The following DIAPH3 variants were observed in gnomAD, a reference collection of about 807,000 sequenced individuals.
The protein encoded by DIAPH3 is diaphanous related formin 3, also known as protein diaphanous homolog 3.
In DIAPH3, 117 loss-of-function variants were observed where a neutral mutation model predicts 144.3. The observed-to-expected ratio is 0.81, with a 90% confidence interval of 0.70 to 0.95. The LOEUF is 0.95. Ranked by LOEUF, DIAPH3 falls within the 40% of genes least tolerant of loss-of-function variation. DIAPH3 has a pLI of 0.00. For synonymous variants in DIAPH3, 519 were observed against 488.9 expected (o/e 1.06, Z -0.81); for missense variants, 1,421 against 1,412.7 (o/e 1.01, Z -0.09).
At chr13:59,820,691 A>G (rs1392175629) in intron 24 of DIAPH3, among the ~76,000 whole-genome samples, 2 of 151,734 alleles carry the variant, frequency 1.3e-5, no homozygotes, top group African/African-American at 4.8e-5. Flanking sequence ...CTTGACAGGT[A>G]TATCAGTCTT....
intron 22 of DIAPH3, among the ~76,000 whole-genome samples, chr13:59,841,766 G>A (rs2042360135): frequency 6.6e-6 from 1 of 152,090 alleles, no homozygotes; most frequent in African/African-American, 2.4e-5. Flanking sequence ...TCTAAAATGT[G>A]GTAAGTGTTT....
intron 20 of DIAPH3, among the ~76,000 whole-genome samples, chr13:59,882,525 T>C (rs1318640715): frequency 6.6e-6 from 1 of 152,194 alleles, no homozygotes; most frequent in Admixed American, 6.6e-5. Context: ...TCATATTCTA[T>C]CAACACTGGG....
chr13:59,677,224 A>G (rs1566172253), intron 27 of DIAPH3, among the ~76,000 whole-genome samples: 1 of 152,108 alleles, frequency 6.6e-6, no homozygotes, highest in African/African-American at 2.4e-5. Context: ...AAAAAAGGGA[A>G]CACTTTGGAG....
At chr13:59,814,789 C>G (rs1434375572) in intron 24 of DIAPH3, among the ~76,000 whole-genome samples, 1 of 152,174 alleles carries the variant, frequency 6.6e-6, no homozygotes, top group African/African-American at 2.4e-5. Flanking sequence ...TACACTTTGC[C>G]TAAAGAAATT....
intron 4 of DIAPH3, among the ~76,000 whole-genome samples, chr13:60,089,909 T>C (rs1395785966): frequency 6.6e-6 from 1 of 152,118 alleles, no homozygotes; most frequent in Non-Finnish European, 1.5e-5. Context: ...CAAAAATGCA[T>C]GTGGATGGTA....
chr13:60,034,416 G>A (rs1173093390), intron 5 of DIAPH3: 1 of 152,122 alleles, frequency 6.6e-6, no homozygotes, highest in Non-Finnish European at 1.5e-5. Flanking sequence ...ACAGTAAACT[G>A]ATAGTTTCAA....
intron 25 of DIAPH3, among the ~76,000 whole-genome samples, chr13:59,796,512 T>C (rs1235178198): frequency 6.6e-6 from 1 of 152,224 alleles, no homozygotes; most frequent in African/African-American, 2.4e-5. Context: ...GTTCTACAAA[T>C]ATATTAAGTA....
chr13:59,899,662 A>G (rs554060051), intron 20 of DIAPH3, among the ~76,000 whole-genome samples: 20 of 152,338 alleles, frequency 1.3e-4, no homozygotes, highest in African/African-American at 4.3e-4. Flanking sequence ...AAGTCATTGT[A>G]GGGTTATAGG....
At chr13:60,062,300 G>T (rs530276543) in intron 4 of DIAPH3, among the ~76,000 whole-genome samples, 1 of 152,204 alleles carries the variant, frequency 6.6e-6, no homozygotes, top group South Asian at 2.1e-4. Context: ...TTCTACATTT[G>T]CTGGACATCT....
intron 1 of DIAPH3, among the ~76,000 whole-genome samples, chr13:60,156,314 A>G (rs1000271450): frequency 6.6e-6 from 1 of 152,220 alleles, no homozygotes; most frequent in Admixed American, 6.5e-5. Context: ...AGTCCTTTAA[A>G]AAAGAAAACA....
intron 27 of DIAPH3, among the ~76,000 whole-genome samples, chr13:59,752,586 C>T (rs2037065968): frequency 6.6e-6 from 1 of 152,006 alleles, no homozygotes; most frequent in African/African-American, 2.4e-5. Context: ...CAGGGCTGGT[C>T]TCGAACTCCT....
intron 27 of DIAPH3, among the ~76,000 whole-genome samples, chr13:59,677,334 G>T (rs531628045): frequency 1.1e-4 from 16 of 151,440 alleles, no homozygotes; most frequent in South Asian, 8.3e-4. Context: ...AGACTAGAAC[G>T]GTACTGTCCA....
intron 2 of DIAPH3, among the ~76,000 whole-genome samples, chr13:60,127,966 T>C (rs748570970): frequency 3.3e-5 from 5 of 152,148 alleles, no homozygotes; most frequent in Non-Finnish European, 7.4e-5. Context: ...GATAAACTCA[T>C]GTCACATAGG....
chr13:59,861,659 C>T (rs1480809002), intron 21 of DIAPH3, 123 bp from the exon 22 acceptor site: 19 of 1,091,034 alleles, frequency 1.7e-5, no homozygotes, highest in Admixed American at 4.5e-5. Flanking sequence ...TAGTTGATTT[C>T]GTTTTTGAAA....
chr13:59,954,120 C>A (rs2049250273), intron 17 of DIAPH3, among the ~76,000 whole-genome samples: 1 of 152,140 alleles, frequency 6.6e-6, no homozygotes, highest in Admixed American at 6.6e-5. Flanking sequence ...TCTCTAATGT[C>A]TGTGAACAGG....
At position 60,156,940 on chromosome 13, in the gene DIAPH3, T is replaced by TATA. The variant is rs58923567; in HGVS notation, c.180+6646_180+6647insTAT. Among the ~76,000 whole-genome samples, 199 of 27,854 alleles carry TATA rather than the reference T, an allele frequency of 7.1e-3. 1 individual carries two copies. The highest frequency in any genetic ancestry group is 0.011 in the East Asian group (27 of 2,370). The allele number at this position is 27,854 out of a possible 152,430, so 18.3% of individuals were successfully genotyped here. On this transcript the variant is annotated intron_variant, in intron 1 of 27. Transcript: ENST00000400324. Reference sequence around the variant, plus strand: ...CTTCATATATATATATATATATATATTTTTTTTTTTTTTTTTTTTGAGACA... The same window carrying TATA: ...CTTCATATATATATATATATATATATATATTTTTTTTTTTTTTTTTTTGAGACA...
chr13:59,793,516 T>G (rs771815956), intron 25 of DIAPH3, among the ~76,000 whole-genome samples: 1 of 152,214 alleles, frequency 6.6e-6, no homozygotes, highest in African/African-American at 2.4e-5. Flanking sequence ...TAGCAGTATT[T>G]GATTGTGTTG....
rs75878997 is a variant in DIAPH3, at chr13:59,665,823, A to T, written c.*761T>A. 5.9e-5 allele frequency: 9 copies of T among 152,790 alleles called. No homozygotes were observed. In the East Asian group the frequency reaches 1.7e-3, roughly 29 times the overall value. The allele number at this position is 152,790 out of a possible 1,614,324, so 9.5% of individuals were successfully genotyped here. A position where few individuals can be genotyped will look rare whatever the true frequency, so the allele number is the denominator to read the frequency against. Reference sequence around the variant, plus strand: ...AAAATGGCAATTTTATCTCAGAGTCATAATTACAAGGGGAAAAATACTCTC... The same window carrying T: ...AAAATGGCAATTTTATCTCAGAGTCTTAATTACAAGGGGAAAAATACTCTC... On this transcript the variant is annotated 3_prime_UTR_variant, in exon 28 of 28. Transcript: ENST00000400324.
At chr13:59,858,207 G>A (rs1039969077) in intron 22 of DIAPH3, among the ~76,000 whole-genome samples, 2 of 151,974 alleles carry the variant, frequency 1.3e-5, no homozygotes, top group East Asian at 3.9e-4. Context: ...TTCACCATTA[G>A]GCTAGTGAAA....
Sources: gnomAD v4.1 joint callset for allele counts (sites outside exome capture counted in the v4.1 genomes callset) on GRCh38, gnomAD v4.1.1 for gene constraint, MANE v1.5 for transcripts, NCBI Gene and HGNC (gene_info 2026-07-23, HGNC 2026-07-21) for gene names.